The following GLB1 variants were observed in gnomAD, a reference collection of about 807,000 sequenced individuals.
GLB1 encodes the protein galactosidase beta 1, also known as beta-galactosidase.
GLB1 carries 56 observed loss-of-function variants against 74.0 expected under a neutral mutation model. The observed-to-expected ratio is 0.76, with a 90% confidence interval of 0.61 to 0.94. The LOEUF (loss-of-function observed/expected upper bound fraction) is 0.94. GLB1 is among the 40% of genes least tolerant of loss of function. The probability of loss-of-function intolerance (pLI) is 0.00; values close to 1 mark genes in which losing one functional copy is unlikely to be tolerated. For missense variants in GLB1, 787 were observed against 845.5 expected (o/e 0.93, Z 0.86); for synonymous variants, 323 against 323.6 (o/e 1.00, Z 0.02).
the GLB1 span, among the ~76,000 whole-genome samples, chr3:32,971,044 A>C: frequency 6.6e-6 from 1 of 152,212 alleles, no homozygotes; most frequent in South Asian, 2.1e-4. Context: ...GCTTAGCAGC[A>C]ACAGTCCTAA....
At position 33,074,389 on chromosome 3, in the gene GLB1, G is replaced by GAAGAAAGAAAGA. The variant is rs773964882; in HGVS notation, c.76-1688_76-1677dup. On this transcript the variant is annotated intron_variant, in intron 1 of 15. Coordinates refer to ENST00000307363, the MANE Select transcript of GLB1 (RefSeq NM_000404.4). ...GGAAGGAAGGAAGGAAGGAAGGAAGGAAGAAAGAAAGAAAGAAAGAATATT... is the reference window on the plus strand; with the variant it reads ...GGAAGGAAGGAAGGAAGGAAGGAAGGAAGAAAGAAAGAAAGAAAGAAAGAAAGAAAGAATATT... 3.2e-3 allele frequency among the ~76,000 whole-genome samples: 125 copies of GAAGAAAGAAAGA among 38,912 alleles called. 31 individuals are homozygous for GAAGAAAGAAAGA. Among genetic ancestry groups the GAAGAAAGAAAGA allele is most frequent in the African/African-American group, 0.011 (105 of 9,430 alleles). 25.5% of individuals were successfully genotyped at this position (38,912 alleles called of 152,430 possible).
At chr3:33,043,712 T>G (rs1156593284) in intron 10 of GLB1, among the ~76,000 whole-genome samples, 1 of 41,166 alleles carries the variant, frequency 2.4e-5, no homozygotes, top group Non-Finnish European at 7.0e-5. Flanking sequence ...ATATCCTGTT[T>G]ATAAGGGACA....
At chr3:33,064,210 G>T (rs1244059089) in intron 5 of GLB1, among the ~76,000 whole-genome samples, 2 of 151,324 alleles carry the variant, frequency 1.3e-5, no homozygotes, top group South Asian at 4.2e-4. Context: ...AGGCTGAGGT[G>T]GGTGAATCAC....
At chr3:33,024,426 A>C in intron 10 of GLB1, 101 bp from the exon 11 acceptor site, 13 of 1,298,586 alleles carry the variant, frequency 1.0e-5, no homozygotes, top group Non-Finnish European at 1.4e-5. Flanking sequence ...TCAAAGACTC[A>C]ACAGTGCCAC....
intron 10 of GLB1, among the ~76,000 whole-genome samples, chr3:33,026,162 T>C (rs1259443851): frequency 6.7e-6 from 1 of 149,620 alleles, no homozygotes; most frequent in Non-Finnish European, 1.5e-5. Flanking sequence ...CTCTGCACTC[T>C]TGGGGATCCA....
At chr3:33,054,072 G>A (rs924666095) in intron 6 of GLB1, among the ~76,000 whole-genome samples, 2 of 151,762 alleles carry the variant, frequency 1.3e-5, no homozygotes, top group African/African-American at 2.4e-5. Flanking sequence ...GAGGCTCAAC[G>A]GAGCTTCCTG....
At chr3:33,001,877 T>A (rs2125448123) in intron 15 of GLB1, among the ~76,000 whole-genome samples, 1 of 152,352 alleles carries the variant, frequency 6.6e-6, no homozygotes, top group South Asian at 2.1e-4. Flanking sequence ...TTGCCTTCCC[T>A]CCTTGATTAG....
intron 1 of GLB1, chr3:33,092,721 T>C: frequency 6.7e-7 from 1 of 1,481,950 alleles, no homozygotes; most frequent in Non-Finnish European, 8.9e-7. Flanking sequence ...ACCAAGGGTG[T>C]GTAGGCAAGG....
chr3:33,042,725 T>A (rs1698558358), intron 10 of GLB1, among the ~76,000 whole-genome samples: 1 of 152,188 alleles, frequency 6.6e-6, no homozygotes, highest in Non-Finnish European at 1.5e-5. Context: ...TCCTTGCTAG[T>A]CTTTAAAAAT....
chr3:33,085,671 G>A (rs1326670256), intron 1 of GLB1, among the ~76,000 whole-genome samples: 2 of 151,446 alleles, frequency 1.3e-5, no homozygotes, highest in African/African-American at 4.9e-5. Context: ...TGTGGCATAA[G>A]ATGTACAAAA....
chr3:32,993,356 T>C (rs752065709), downstream of GLB1, among the ~76,000 whole-genome samples: 1 of 151,664 alleles, frequency 6.6e-6, no homozygotes, highest in Non-Finnish European at 1.5e-5. Context: ...AAATTCTAAG[T>C]GTGATTCTTT....
At chr3:32,982,507 C>A in the GLB1 span, among the ~76,000 whole-genome samples, 4 of 150,998 alleles carry the variant, frequency 2.6e-5, no homozygotes, top group Admixed American at 6.6e-5. Context: ...CAAACAACAA[C>A]AAAAAAAACC....
At chr3:33,048,499 A>G (rs1394530123) in intron 9 of GLB1, among the ~76,000 whole-genome samples, 1 of 152,200 alleles carries the variant, frequency 6.6e-6, no homozygotes, top group Non-Finnish European at 1.5e-5. Context: ...GTGGACACAC[A>G]CAGGTGTGGA....
intron 1 of GLB1, among the ~76,000 whole-genome samples, chr3:33,081,675 C>T (rs1248598387): frequency 6.6e-6 from 1 of 152,202 alleles, no homozygotes; most frequent in African/African-American, 2.4e-5. Flanking sequence ...TCTGGCATAA[C>T]CAGCATGGGA....
intron 1 of GLB1, chr3:33,077,381 T>C: frequency 7.8e-7 from 1 of 1,276,548 alleles, no homozygotes; most frequent in Non-Finnish European, 1.1e-6. Flanking sequence ...ACAGATCAGA[T>C]TCCAATTTGA....
At chr3:32,966,550 T>A in the GLB1 span, among the ~76,000 whole-genome samples, 1 of 152,206 alleles carries the variant, frequency 6.6e-6, no homozygotes, top group Non-Finnish European at 1.5e-5. Context: ...GACTTTGGAC[T>A]TGGACTTTTG....
chr3:33,032,974 C>T (rs547649304), intron 10 of GLB1, among the ~76,000 whole-genome samples: 1 of 152,296 alleles, frequency 6.6e-6, no homozygotes, highest in South Asian at 2.1e-4. Context: ...GGAGGTTTTA[C>T]AGGTTGCTAT....
In GLB1 at chr3:33,046,246, ATGTGCCACTAGTTATTAC is replaced by A; in HGVS notation, c.956-32_956-15del. 6.2e-7 allele frequency: 1 copy of A among 1,613,818 alleles called. No homozygotes were observed. Among genetic ancestry groups the A allele is most frequent in the Non-Finnish European group, 8.5e-7 (1 of 1,179,846 alleles). Reference sequence around the variant, plus strand: ...GTGAGTTGGCCCCTAGAAGACAAAAATGTGCCACTAGTTATTACTGATGGTGCAGCTCTGGGACAAGTT... The same window carrying A: ...GTGAGTTGGCCCCTAGAAGACAAAAATGATGGTGCAGCTCTGGGACAAGTT... On this transcript the variant is annotated splice_polypyrimidine_tract_variant and intron_variant, in intron 9 of 15. Coordinates refer to ENST00000307363, the MANE Select transcript of GLB1 (RefSeq NM_000404.4).
rs548179564 is a variant in GLB1 at position 33,076,471 on chromosome 3, C to T, written c.76-3758G>A. On this transcript the variant is annotated intron_variant, in intron 1 of 15. Transcript: ENST00000307363. Reference sequence around the variant, plus strand: ...CAGATATGTGTTTTCAAATGTTTGGCTTTTTCCTGAATGGGCAAAAAAGGC... The same window carrying T: ...CAGATATGTGTTTTCAAATGTTTGGTTTTTTCCTGAATGGGCAAAAAAGGC... Among the ~76,000 whole-genome samples the T allele has an allele frequency of 1.1e-4, 16 of 152,306 alleles. No homozygotes were observed. In the South Asian group the frequency reaches 3.3e-3, roughly 32 times the overall value.
Sources: allele counts gnomAD v4.1 joint callset (sites outside exome capture counted in the v4.1 genomes callset), GRCh38; gene constraint gnomAD v4.1.1; transcripts MANE v1.5; gene names NCBI Gene and HGNC (gene_info 2026-07-23, HGNC 2026-07-21).